KCNT2: variants seen among roughly 807,000 people sequenced by gnomAD.
The protein encoded by KCNT2 is potassium sodium-activated channel subfamily T member 2.
Under a neutral mutation model 153.8 loss-of-function variants are expected in KCNT2, and 67 were observed. That is an observed-to-expected ratio of 0.44 (90% CI 0.36 to 0.53). The LOEUF (loss-of-function observed/expected upper bound fraction) is 0.53, where lower values mean the gene tolerates loss of function less well. KCNT2 is among the 20% of genes least tolerant of loss of function. The pLI, the probability that KCNT2 is intolerant of heterozygous loss-of-function variation, is 0.00. For missense variants in KCNT2, 975 were observed against 1,354.8 expected (o/e 0.72, Z 4.40); for synonymous variants, 500 against 458.8 (o/e 1.09, Z -1.15).
intron 27 of KCNT2, among the ~76,000 whole-genome samples, chr1:196,235,782 T>C (rs74133635): frequency 0.022 from 3,293 of 151,596 alleles, 102 homozygotes; most frequent in African/African-American, 0.074. Context: ...CTGCTATTTC[T>C]TTATTTTATA....
intron 13 of KCNT2, among the ~76,000 whole-genome samples, chr1:196,381,285 C>A (rs928337891): frequency 6.6e-6 from 1 of 151,982 alleles, no homozygotes; most frequent in African/African-American, 2.4e-5. Context: ...TTCTTTTATA[C>A]CTCTCATAAA....
At chr1:196,493,692 TA>T (rs1185585991) in intron 1 of KCNT2, among the ~76,000 whole-genome samples, 2 of 152,154 alleles carry the variant, frequency 1.3e-5, no homozygotes, top group African/African-American at 4.8e-5. Flanking sequence ...CTCCTAATGC[TA>T]TCCCTTCCCC....
At chr1:196,432,107 G>C (rs1012549741) in intron 8 of KCNT2, among the ~76,000 whole-genome samples, 1 of 152,106 alleles carries the variant, frequency 6.6e-6, no homozygotes, top group Non-Finnish European at 1.5e-5. Flanking sequence ...TACCCCAAGT[G>C]CTGGTCAAGC....
At chr1:196,489,681 A>T (rs190249468) in intron 3 of KCNT2, among the ~76,000 whole-genome samples, 157 bp downstream of exon 3, 8 of 152,142 alleles carry the variant, frequency 5.3e-5, no homozygotes, top group South Asian at 2.1e-4. Context: ...ACCTACAAGA[A>T]TTATGTAGTG....
At chr1:196,358,641 G>GA (rs1180726775) in intron 14 of KCNT2, among the ~76,000 whole-genome samples, 1 of 151,530 alleles carries the variant, frequency 6.6e-6, no homozygotes, top group African/African-American at 2.4e-5. Context: ...TCCTTGTTTT[G>GA]AAAATATATA....
intron 24 of KCNT2, among the ~76,000 whole-genome samples, 198 bp from the exon 25 acceptor site, chr1:196,281,186 A>G (rs951910877): frequency 6.6e-6 from 1 of 152,168 alleles, no homozygotes; most frequent in South Asian, 2.1e-4. Context: ...CACTTCTTAA[A>G]GGGAGAAATT....
intron 12 of KCNT2, among the ~76,000 whole-genome samples, chr1:196,406,333 C>G (rs1358372778): frequency 6.6e-6 from 1 of 151,282 alleles, no homozygotes; most frequent in East Asian, 1.9e-4. Flanking sequence ...AAGTATGCTT[C>G]AAATTTGATA....
intron 13 of KCNT2, among the ~76,000 whole-genome samples, chr1:196,376,392 T>A (rs1668969925): frequency 6.6e-6 from 1 of 151,964 alleles, no homozygotes; most frequent in Admixed American, 6.6e-5. Flanking sequence ...TTTGAATATT[T>A]ATACTAAGTA....
At chr1:196,571,214 A>T (rs1449854002) in intron 1 of KCNT2, among the ~76,000 whole-genome samples, 2 of 152,128 alleles carry the variant, frequency 1.3e-5, no homozygotes, top group Non-Finnish European at 2.9e-5. Flanking sequence ...TTAGCATTAA[A>T]CAGAAAATAG....
intron 27 of KCNT2, among the ~76,000 whole-genome samples, chr1:196,229,075 T>C (rs556494124): frequency 6.6e-5 from 10 of 152,140 alleles, no homozygotes; most frequent in Middle Eastern, 6.8e-3. Flanking sequence ...TTTCAGAGAG[T>C]TGTCTTACTT....
intron 21 of KCNT2, among the ~76,000 whole-genome samples, chr1:196,313,939 C>A (rs188631955): frequency 4.9e-4 from 74 of 151,692 alleles, no homozygotes; most frequent in Middle Eastern, 3.4e-3. Context: ...GTTATTAATT[C>A]ATTCATTCAT....
At chr1:196,342,702 A>T (rs1321461481) in intron 14 of KCNT2, among the ~76,000 whole-genome samples, 1 of 151,994 alleles carries the variant, frequency 6.6e-6, no homozygotes, top group Non-Finnish European at 1.5e-5. Flanking sequence ...ACTTAAAATT[A>T]CAAATTTATC....
At chr1:196,352,233 G>A (rs377439737) in intron 14 of KCNT2, among the ~76,000 whole-genome samples, 1 of 151,942 alleles carries the variant, frequency 6.6e-6, no homozygotes, top group Non-Finnish European at 1.5e-5. Flanking sequence ...ATGAGTTAGG[G>A]AGGATTCCCT....
chr1:196,592,905 TAATA>T (rs1420674807), intron 1 of KCNT2, among the ~76,000 whole-genome samples: 2 of 150,160 alleles, frequency 1.3e-5, no homozygotes, highest in Admixed American at 6.6e-5. Flanking sequence ...TAAGAAAATT[TAATA>T]AATTAATTTA....
At chr1:196,431,393 C>A (rs545049648) in intron 8 of KCNT2, among the ~76,000 whole-genome samples, 1 of 152,048 alleles carries the variant, frequency 6.6e-6, no homozygotes, top group Non-Finnish European at 1.5e-5. Context: ...TGTTTAAGGG[C>A]AATTTTGGTG....
intron 1 of KCNT2, among the ~76,000 whole-genome samples, chr1:196,594,348 T>A (rs1663790366): frequency 6.6e-6 from 1 of 152,178 alleles, no homozygotes; most frequent in African/African-American, 2.4e-5. Context: ...AGAATGAACA[T>A]TAAAAACTAT....
intron 1 of KCNT2, among the ~76,000 whole-genome samples, chr1:196,597,467 C>A (rs1250409712): frequency 2.0e-5 from 3 of 151,642 alleles, no homozygotes; most frequent in African/African-American, 7.3e-5. Flanking sequence ...GTTATATCAG[C>A]ACCAGGGAGT....
At chr1:196,383,281 C>T (rs1669667096) in intron 13 of KCNT2, among the ~76,000 whole-genome samples, 1 of 152,150 alleles carries the variant, frequency 6.6e-6, no homozygotes. Flanking sequence ...ATGTGATTCA[C>T]CTATGATTTT....
chr1:196,445,153 T>C (rs1419302185), intron 8 of KCNT2, among the ~76,000 whole-genome samples: 2 of 151,378 alleles, frequency 1.3e-5, no homozygotes, highest in African/African-American at 4.8e-5. Flanking sequence ...TAAAGATATG[T>C]TCACAGATTT....
Sources: gnomAD v4.1 joint callset for allele counts (sites outside exome capture counted in the v4.1 genomes callset) on GRCh38, gnomAD v4.1.1 for gene constraint, MANE v1.5 for transcripts, NCBI Gene and HGNC (gene_info 2026-07-23, HGNC 2026-07-21) for gene names.